RDH10: variants seen among roughly 807,000 people sequenced by gnomAD.
The protein encoded by RDH10 is retinol dehydrogenase 10, also known as retinol dehydrogenase 10 (all-trans).
In RDH10, 12 loss-of-function variants were observed where a neutral mutation model predicts 30.2. The ratio of observed to expected loss-of-function variants is 0.40; its 90% CI spans 0.25 to 0.64. RDH10 has a LOEUF of 0.64. Among genes scored for constraint, RDH10 ranks in the 30% least tolerant of loss-of-function variants. The pLI, the probability that RDH10 is intolerant of heterozygous loss-of-function variation, is 0.43. For synonymous variants in RDH10, 189 were observed against 172.2 expected (o/e 1.10, Z -0.76); for missense variants, 268 against 445.2 (o/e 0.60, Z 3.58).
At chr8:73,311,383 A>G (rs1332001398) in intron 2 of RDH10, 1 of 152,182 alleles carries the variant, frequency 6.6e-6, no homozygotes, top group Non-Finnish European at 1.5e-5. Context: ...AGGGAACGTT[A>G]ATATCTGAGT....
chr8:73,320,409 T>C lies in RDH10; in HGVS notation c.625-523T>C, dbSNP rs1056479366. ...GCTGTTGCTTTGAAAATATTATTTC[T>C]GCACTGAACCACATCAGGTATCTGG... is the stretch of plus-strand genomic sequence containing the variant. On this transcript the variant is annotated intron_variant, in intron 3 of 5. Coordinates refer to ENST00000240285, the MANE Select transcript of RDH10 (RefSeq NM_172037.5). 5.3e-5 allele frequency among the ~76,000 whole-genome samples: 8 copies of C among 151,784 alleles called. 1 individual carries two copies. Among genetic ancestry groups the C allele is most frequent in the African/African-American group, 1.9e-4 (8 of 41,386 alleles).
chr8:73,297,024 A>G, intron 1 of RDH10, 170 bp from the exon 2 acceptor site: 1 of 599,350 alleles, frequency 1.7e-6, no homozygotes, highest in South Asian at 2.0e-5. Flanking sequence ...CATGGGAGGA[A>G]GGCAGCTGTA....
chr8:73,320,483 T>TTTG (rs1563552539), intron 3 of RDH10, among the ~76,000 whole-genome samples: 7 of 145,632 alleles, frequency 4.8e-5, no homozygotes, highest in African/African-American at 1.9e-4. Flanking sequence ...TTGTTTTTTT[T>TTTG]TTTTTGAGAC....
At chr8:73,310,205 C>T (rs190343485) in intron 2 of RDH10, among the ~76,000 whole-genome samples, 29 of 152,272 alleles carry the variant, frequency 1.9e-4, no homozygotes, top group African/African-American at 7.0e-4. Flanking sequence ...TGTTTTTTAA[C>T]AATGCCTATC....
Position 73,295,184 on chromosome 8 carries a change from C to T in RDH10, c.-106C>T. On this transcript the variant is annotated 5_prime_UTR_variant, in exon 1 of 6. Transcript: ENST00000240285. ...GGGCGGGCGCGGGGCGCAGCCTTCT[C>T]GTCCCGGCCTCTGTGACAAGCGCCC... 1.8e-6 allele frequency: 2 copies of T among 1,138,202 alleles called. No homozygotes were observed. Among genetic ancestry groups the T allele is most frequent in the Non-Finnish European group, 2.3e-6 (2 of 851,686 alleles). The allele number at this position is 1,138,202 out of a possible 1,614,324, so 70.5% of individuals were successfully genotyped here.
In RDH10 at chr8:73,297,302, G is replaced by A. The variant is rs1316129347; in HGVS notation, c.398G>A (p.Arg133His). Residue 133 changes from arginine to histidine, a missense_variant, in exon 2 of 6, where the codon CGC becomes CAC. Arg to His is a conservative substitution (Grantham distance 29, BLOSUM62 0). Coordinates refer to ENST00000240285, the MANE Select transcript of RDH10 (RefSeq NM_172037.5). ...ENVYLTAERV[R>H]KEVGEVSVLV... is the part of the protein sequence containing the mutation. ...GTCTACCTGACGGCTGAAAGAGTCC[G>A]CAAGGAGGTTGGCGAAGTCTCAGTC... 1.9e-6 allele frequency: 3 copies of A among 1,613,888 alleles called. No homozygotes were observed. The highest frequency in any genetic ancestry group is 2.2e-5 in the East Asian group (1 of 44,900).
At chr8:73,308,392 G>A (rs1320820815) in intron 2 of RDH10, among the ~76,000 whole-genome samples, 2 of 152,172 alleles carry the variant, frequency 1.3e-5, no homozygotes, top group Non-Finnish European at 2.9e-5. Context: ...TATAGTCCAA[G>A]CATGTGATCT....
rs1814225052 is a variant in RDH10 at position 73,294,902 on chromosome 8, G to A, written c.-388G>A. ...GGGGTGAGAGGGAGCCGGCGCGCCG[G>A]TTCCGGGGACGCTCGGGCGGCAGCA... On this transcript the variant is annotated 5_prime_UTR_variant, in exon 1 of 6. Coordinates refer to ENST00000240285, the MANE Select transcript of RDH10 (RefSeq NM_172037.5). The A allele has an allele frequency of 5.1e-6, 2 of 394,778 alleles. No homozygotes were observed. The highest frequency in any genetic ancestry group is 8.9e-6 in the Non-Finnish European group (2 of 223,482). 24.5% of individuals were successfully genotyped at this position (394,778 alleles called of 1,614,324 possible). A position where few individuals can be genotyped will look rare whatever the true frequency, so the allele number is the denominator to read the frequency against.
chr8:73,325,264 A>G lies in RDH10; in HGVS notation c.*2228A>G, dbSNP rs555124393. On this transcript the variant is annotated 3_prime_UTR_variant, in exon 6 of 6. Transcript: ENST00000240285. ...ATAAGGGTGTCCATCTCCAAGTTCA[A>G]TAAACTAATTCATTTAACTTTTTTG... 6.6e-6 allele frequency: 1 copy of G among 152,340 alleles called. No individual in the cohort carries two copies. The highest frequency in any genetic ancestry group is 2.4e-5 in the African/African-American group (1 of 41,574). 9.4% of individuals were successfully genotyped at this position (152,340 alleles called of 1,614,324 possible).
At chr8:73,319,046 GATGAAATTC>G (rs1167487158) in intron 2 of RDH10, 41 bp from the exon 3 acceptor site, 2 of 1,276,056 alleles carry the variant, frequency 1.6e-6, no homozygotes, top group African/African-American at 3.0e-5. Context: ...CTGGGTTTTA[GATGAAATTC>G]ATGAAATCAG....
rs1279891122 is a variant in RDH10 at position 73,297,230 on chromosome 8, A to G, written c.326A>G (p.Asn109Ser). 3 of 1,613,668 alleles carry G rather than the reference A, an allele frequency of 1.9e-6. No individual in the cohort carries two copies. The highest frequency in any genetic ancestry group is 3.3e-5 in the Admixed American group (2 of 60,014). The change falls in exon 2 of 6, where the codon AAC becomes AGC. Residue 109 changes from asparagine (N) to serine (S), a missense_variant. Asn to Ser is a conservative substitution (Grantham distance 46, BLOSUM62 1). Coordinates refer to ENST00000240285, the MANE Select transcript of RDH10 (RefSeq NM_172037.5). ...GAGGAAGAAATTCTGCCCCACTGTA[A>G]CTTGCAGGTTTTTACCTACACCTGT... ...NGEEEILPHC[N>S]LQVFTYTCDV... is the part of the protein sequence containing the mutation.
In RDH10 at chr8:73,294,664, GACAC is replaced by G. The variant is rs1178745572; in HGVS notation, c.-625_-622del. 9 of 355,530 alleles carry G rather than the reference GACAC, an allele frequency of 2.5e-5. No individual in the cohort carries two copies. The highest frequency in any genetic ancestry group is 1.9e-4 in the African/African-American group (9 of 46,966). The allele number at this position is 355,530 out of a possible 1,614,324, so 22.0% of individuals were successfully genotyped here. On this transcript the variant is annotated 5_prime_UTR_variant, in exon 1 of 6. Coordinates refer to ENST00000240285, the MANE Select transcript of RDH10 (RefSeq NM_172037.5). ...GCGCTGCGGAGCCCAGTGCCCGAGTGACACCCGCGGAGAGTGCAGGGCCGGGGAA... is the reference window on the plus strand; with the variant it reads ...GCGCTGCGGAGCCCAGTGCCCGAGTGCCGCGGAGAGTGCAGGGCCGGGGAA...
intron 2 of RDH10, among the ~76,000 whole-genome samples, chr8:73,318,435 A>G (rs1319745553): frequency 6.6e-6 from 1 of 152,038 alleles, no homozygotes; most frequent in Non-Finnish European, 1.5e-5. Context: ...CTGCGGTGAA[A>G]CCCATGTTGG....
chr8:73,295,822 G>A (rs553069374), intron 1 of RDH10: 3 of 1,227,402 alleles, frequency 2.4e-6, no homozygotes, highest in Non-Finnish European at 3.1e-6. Context: ...ACGGCGGGGG[G>A]AGGGGGCGGG....
intron 1 of RDH10, among the ~76,000 whole-genome samples, chr8:73,296,840 TG>T (rs1814275106): frequency 6.6e-6 from 1 of 151,544 alleles, no homozygotes; most frequent in Non-Finnish European, 1.5e-5. Context: ...AAAAGAGGAG[TG>T]TGTAGTGTGT....
intron 2 of RDH10, among the ~76,000 whole-genome samples, chr8:73,308,612 T>C (rs1264949139): frequency 6.6e-6 from 1 of 152,188 alleles, no homozygotes; most frequent in East Asian, 1.9e-4. Context: ...AGGTTTCTTC[T>C]TTACAAACTT....
intron 2 of RDH10, among the ~76,000 whole-genome samples, chr8:73,301,744 A>G (rs1244208692): frequency 2.0e-5 from 3 of 152,166 alleles, no homozygotes; most frequent in Non-Finnish European, 2.9e-5. Context: ...TGACAGAACA[A>G]TACTCCATCT....
chr8:73,297,276 C>T lies in RDH10; in HGVS notation c.372C>T (p.Asn124=), dbSNP rs764773069. The change falls in exon 2 of 6, where the codon AAC becomes AAT. Residue 124 remains asparagine (N), a synonymous_variant. Transcript: ENST00000240285. The stretch of plus-strand genomic sequence containing the variant: ...CCTGTGACGTGGGGAAGAGGGAGAA[C>T]GTCTACCTGACGGCTGAAAGAGTCC... ...TYTCDVGKRE[N]VYLTAERVRK... is the part of the protein sequence containing the mutation. 3.7e-6 allele frequency: 6 copies of T among 1,613,916 alleles called. No homozygotes were observed. In the African/African-American group the frequency reaches 4.0e-5, roughly 11 times the overall value.
chr8:73,297,398 C>T lies in RDH10; in HGVS notation c.494C>T (p.Thr165Ile). The change falls in exon 2 of 6, where the codon ACC (threonine) becomes ATC (isoleucine). Residue 165 changes from threonine to isoleucine, a missense_variant. Thr to Ile is a moderately conservative substitution (Grantham distance 89, BLOSUM62 -1). Coordinates refer to ENST00000240285, the MANE Select transcript of RDH10 (RefSeq NM_172037.5). The stretch of plus-strand genomic sequence containing the variant: ...TGTCCTGATGAGCTCATTGAGAGAA[C>T]CATGATGGTCAATTGCCATGCACAC... Reference protein sequence around the residue: ...LECPDELIERTMMVNCHAHFW... With the variant: ...LECPDELIERIMMVNCHAHFW... The T allele has an allele frequency of 6.2e-7, 1 of 1,612,498 alleles. No homozygotes were observed. Among genetic ancestry groups the T allele is most frequent in the Non-Finnish European group, 8.5e-7 (1 of 1,178,484 alleles).
Sources: allele counts gnomAD v4.1 joint callset (sites outside exome capture counted in the v4.1 genomes callset), GRCh38; gene constraint gnomAD v4.1.1; transcripts MANE v1.5; gene names NCBI Gene and HGNC (gene_info 2026-07-23, HGNC 2026-07-21).